HNRNPA1: variants seen among roughly 807,000 people sequenced by gnomAD.
The protein encoded by HNRNPA1 is epididymis secretory sperm binding protein.
Under a neutral mutation model 44.4 loss-of-function variants are expected in HNRNPA1, and 7 were observed. The observed-to-expected ratio is 0.16, with a 90% CI of 0.09 to 0.30. The LOEUF (loss-of-function observed/expected upper bound fraction) is 0.30. Ranked by LOEUF, HNRNPA1 falls within the 10% of genes least tolerant of loss-of-function variation. HNRNPA1 has a pLI of 1.00. For missense variants in HNRNPA1, 193 were observed against 465.8 expected (o/e 0.41, Z 5.39); for synonymous variants, 169 against 160.6 (o/e 1.05, Z -0.40).
At chr12:54,281,561 C>T in intron 2 of HNRNPA1, 59 bp downstream of exon 2, 2 of 1,213,202 alleles carry the variant, frequency 1.6e-6, no homozygotes, top group Non-Finnish European at 1.2e-6. Context: ...TATCTTGGTG[C>T]AGTCTTCTCC....
chr12:54,284,921 T>G lies in HNRNPA1; in HGVS notation c.*377T>G, dbSNP rs1049425287. 1 of 247,076 alleles carries G rather than the reference T, an allele frequency of 4.0e-6. No individual in the cohort carries two copies. The highest frequency in any genetic ancestry group is 8.2e-6 in the Non-Finnish European group (1 of 122,676). The allele number at this position is 247,076 out of a possible 1,614,324, so 15.3% of individuals were successfully genotyped here. A position where few individuals can be genotyped will look rare whatever the true frequency, so the allele number is the denominator to read the frequency against. ...TTAGTCTACTCTTAAGCCATCTTGG[T>G]AAATTTCCCCAACAGTGTGAAGTTA... On this transcript the variant is annotated 3_prime_UTR_variant, in exon 11 of 11. Transcript: ENST00000340913.
Position 54,286,958 on chromosome 12 carries a change from T to C in HNRNPA1, c.*2414T>C, listed in dbSNP as rs563823392. On this transcript the variant is annotated 3_prime_UTR_variant, in exon 11 of 11. Transcript: ENST00000340913. ...ACCTCTTTTGCCTTTTGCAGGAACG[T>C]CCTTGTGAAGACCTTTATCTGAGCC... 6.6e-6 allele frequency: 1 copy of C among 152,334 alleles called. No homozygotes were observed. Among genetic ancestry groups the C allele is most frequent in the East Asian group, 1.9e-4 (1 of 5,184 alleles). The allele number at this position is 152,334 out of a possible 1,614,324, so 9.4% of individuals were successfully genotyped here.
Position 54,283,894 on chromosome 12 carries a change from A to G in HNRNPA1, c.990A>G (p.Gly330=). The change falls in exon 9 of 11, where the codon GGA becomes GGG. Residue 330 remains glycine, a synonymous_variant. Coordinates refer to ENST00000340913, the MANE Select transcript of HNRNPA1 (RefSeq NM_031157.4). ...CTTCAAATTTTGGACCCATGAAGGG[A>G]GGAAATTTTGGAGGCAGAAGCTCTG... is the stretch of plus-strand genomic sequence containing the variant. ...NQSSNFGPMK[G]GNFGGRSSGP... is the part of the protein sequence containing the mutation. 6.2e-7 allele frequency: 1 copy of G among 1,612,390 alleles called. No individual in the cohort carries two copies. Among genetic ancestry groups the G allele is most frequent in the Admixed American group, 1.7e-5 (1 of 60,020 alleles).
At position 54,280,793 on chromosome 12, in the gene HNRNPA1, C is replaced by T. The variant is rs756700155; in HGVS notation, c.-15C>T. 5.6e-6 allele frequency: 9 copies of T among 1,614,098 alleles called. No homozygotes were observed. The highest frequency in any genetic ancestry group is 2.2e-5 in the East Asian group (1 of 44,896). On this transcript the variant is annotated 5_prime_UTR_variant, in exon 1 of 11. Transcript: ENST00000340913. ...CCGAAGAAGCATCGTTAAAGTCTCT[C>T]TTCACCCTGCCGTCATGTCTAAGTC... is the stretch of plus-strand genomic sequence containing the variant.
In HNRNPA1 at chr12:54,284,470, G is replaced by A. The variant is rs575983828; in HGVS notation, c.*5-79G>A. The A allele has an allele frequency of 1.1e-4, 89 of 782,842 alleles. No individual in the cohort carries two copies. The South Asian group carries it at 1.2e-3, about 11-fold the overall frequency. 48.5% of individuals were successfully genotyped at this position (782,842 alleles called of 1,614,324 possible). On this transcript the variant is annotated intron_variant, in intron 10 of 10. Coordinates refer to ENST00000340913, the MANE Select transcript of HNRNPA1 (RefSeq NM_031157.4). Reference sequence around the variant, plus strand: ...ATATTCAGATCAGCAAAATTTGTGGGAAACAAACTTGATATTGGATTGTAG... The same window carrying A: ...ATATTCAGATCAGCAAAATTTGTGGAAAACAAACTTGATATTGGATTGTAG...
chr12:54,281,026 C>G (rs573025229), intron 1 of HNRNPA1: 2 of 715,134 alleles, frequency 2.8e-6, no homozygotes, highest in Non-Finnish European at 2.6e-6. Flanking sequence ...AGTTATCATG[C>G]GGGACTCGTT....
intron 8 of HNRNPA1, 31 bp downstream of exon 8, chr12:54,283,265 T>C (rs1565881192): frequency 1.2e-6 from 2 of 1,606,418 alleles, no homozygotes; most frequent in Non-Finnish European, 1.7e-6. Context: ...GTACTTGGTG[T>C]GACAGCTAGA....
Position 54,280,797 on chromosome 12 carries a change from A to C in HNRNPA1, c.-11A>C. The C allele has an allele frequency of 1.9e-6, 3 of 1,614,012 alleles. No individual in the cohort carries two copies. Among genetic ancestry groups the C allele is most frequent in the Non-Finnish European group, 1.7e-6 (2 of 1,179,990 alleles). ...AGAAGCATCGTTAAAGTCTCTCTTC[A>C]CCCTGCCGTCATGTCTAAGTCAGAG... On this transcript the variant is annotated 5_prime_UTR_variant, in exon 1 of 11. Transcript: ENST00000340913.
At chr12:54,284,496 C>A (rs1381579229) in intron 10 of HNRNPA1, 53 bp from the exon 11 acceptor site, 25 of 727,670 alleles carry the variant, frequency 3.4e-5, no homozygotes, top group Non-Finnish European at 6.1e-5. Context: ...TGGATTGTAG[C>A]CTTGAGTCTT....
chr12:54,281,004 C>G (rs1470046011), intron 1 of HNRNPA1, 182 bp downstream of exon 1: 3 of 730,176 alleles, frequency 4.1e-6, no homozygotes, highest in Non-Finnish European at 7.5e-6. Context: ...AGGCCGCTCT[C>G]CGCCAACCAT....
chr12:54,280,934 G>A, intron 1 of HNRNPA1, 112 bp downstream of exon 1: 3 of 1,183,214 alleles, frequency 2.5e-6, no homozygotes, highest in Non-Finnish European at 3.8e-6. Context: ...TCCTTCGGTC[G>A]CTGCCACGGC....
intron 1 of HNRNPA1, 185 bp downstream of exon 1, chr12:54,281,007 C>A: frequency 1.4e-6 from 1 of 727,832 alleles, no homozygotes; most frequent in Non-Finnish European, 2.5e-6. Context: ...CCGCTCTCCG[C>A]CAACCATGAG....
intron 8 of HNRNPA1, 106 bp downstream of exon 8, chr12:54,283,340 TAAA>T: frequency 7.8e-7 from 1 of 1,276,756 alleles, no homozygotes; most frequent in Non-Finnish European, 1.1e-6. Flanking sequence ...CATGGTATAT[TAAA>T]AACAAATGGG....
At position 54,286,002 on chromosome 12, in the gene HNRNPA1, A is replaced by G. The variant is rs1944258579; in HGVS notation, c.*1458A>G. The G allele has an allele frequency of 6.6e-6, 1 of 152,160 alleles. No homozygotes were observed. The highest frequency in any genetic ancestry group is 2.4e-5 in the African/African-American group (1 of 41,430). 9.4% of individuals were successfully genotyped at this position (152,160 alleles called of 1,614,324 possible). ...GTTTGCAGATACCTCAGGATTCGTG[A>G]CAATGCCTTTAAAGATCCAGGAGAG... On this transcript the variant is annotated 3_prime_UTR_variant, in exon 11 of 11. Coordinates refer to ENST00000340913, the MANE Select transcript of HNRNPA1 (RefSeq NM_031157.4).
intron 10 of HNRNPA1, 30 bp downstream of exon 10, chr12:54,284,347 T>C: frequency 6.3e-7 from 1 of 1,592,090 alleles, no homozygotes; most frequent in Non-Finnish European, 8.6e-7. Flanking sequence ...TGTGTTGACA[T>C]AATTTTTTAA....
chr12:54,282,324 A>G, intron 4 of HNRNPA1, 24 bp downstream of exon 4: 1 of 1,611,794 alleles, frequency 6.2e-7, no homozygotes, highest in Non-Finnish European at 8.5e-7. Context: ...AGTGGCATTT[A>G]GTAAGGGTTC....
At chr12:54,281,244 G>A in intron 1 of HNRNPA1, 142 bp from the exon 2 acceptor site, 1 of 723,242 alleles carries the variant, frequency 1.4e-6, no homozygotes, top group Non-Finnish European at 2.5e-6. Context: ...GGCCTCCCTT[G>A]ATAGGCAGAA....
rs761844470 is a variant in HNRNPA1, at chr12:54,281,522, A to G, written c.132+20A>G. 8 of 1,546,978 alleles carry G rather than the reference A, an allele frequency of 5.2e-6. No individual in the cohort carries two copies. Among genetic ancestry groups the G allele is most frequent in the Admixed American group, 1.7e-5 (1 of 59,208 alleles). On this transcript the variant is annotated intron_variant, in intron 2 of 10. Coordinates refer to ENST00000340913, the MANE Select transcript of HNRNPA1 (RefSeq NM_031157.4). ...TGTGTGGTAAGATTTGGAAGGGACA[A>G]AGCAGTAAAACAGCCGATTTCCTTG...
intron 1 of HNRNPA1, 47 bp downstream of exon 1, chr12:54,280,869 C>A (rs1427579840): frequency 6.2e-7 from 1 of 1,606,456 alleles, no homozygotes; most frequent in Admixed American, 1.7e-5. Context: ...TCTCCCTTTC[C>A]TGAATCGGTA....
Sources: gnomAD v4.1 joint callset for allele counts on GRCh38, gnomAD v4.1.1 for gene constraint, MANE v1.5 for transcripts, NCBI Gene and HGNC (gene_info 2026-07-23, HGNC 2026-07-21) for gene names.